Variants in RCOR1 observed in about 807,000 individuals in gnomAD.
RCOR1 encodes the protein REST corepressor 1.
In RCOR1, 12 loss-of-function variants were observed where a neutral mutation model predicts 64.0. The ratio of observed to expected loss-of-function variants is 0.19; its 90% CI spans 0.12 to 0.30. The LOEUF (loss-of-function observed/expected upper bound fraction) is 0.30. RCOR1 is among the 10% of genes least tolerant of loss of function. The probability of loss-of-function intolerance (pLI) is 1.00; values close to 1 mark genes in which losing one functional copy is unlikely to be tolerated. For missense variants in RCOR1, 502 were observed against 621.2 expected (o/e 0.81, Z 2.04); for synonymous variants, 279 against 227.2 (o/e 1.23, Z -2.05).
At chr14:102,693,609 G>A (rs79325152) in intron 3 of RCOR1, among the ~76,000 whole-genome samples, 5,534 of 152,110 alleles carry the variant, frequency 0.036, 199 homozygotes, top group African/African-American at 0.087. Context: ...CTCATACTCA[G>A]TCTCACAATG....
intron 2 of RCOR1, chr14:102,662,644 A>T: frequency 2.2e-6 from 1 of 448,312 alleles, no homozygotes; most frequent in Non-Finnish European, 4.3e-6. Flanking sequence ...CTTGGCCTTC[A>T]CAGCCTTTGC....
chr14:102,695,616 G>A, intron 3 of RCOR1: 1 of 152,674 alleles, frequency 6.5e-6, no homozygotes, highest in Non-Finnish European at 1.5e-5. Context: ...TGCGATCTCG[G>A]CTCACTGCAA....
chr14:102,618,822 T>C (rs1329752627), intron 2 of RCOR1, among the ~76,000 whole-genome samples: 1 of 150,836 alleles, frequency 6.6e-6, no homozygotes, highest in Non-Finnish European at 1.5e-5. Flanking sequence ...TGGGATGGGG[T>C]GAGATGGTTG....
chr14:102,700,683 A>T (rs992459184), intron 3 of RCOR1, among the ~76,000 whole-genome samples: 1 of 152,236 alleles, frequency 6.6e-6, no homozygotes, highest in Non-Finnish European at 1.5e-5. Context: ...AAGAAGACTC[A>T]TAATCTCATC....
Position 102,609,699 on chromosome 14 carries a change from G to T in RCOR1, c.361+16374G>T, listed in dbSNP as rs140737344. On this transcript the variant is annotated intron_variant, in intron 2 of 11. Transcript: ENST00000262241. ...TGACCTCAGGTGATCTGCCTGTCTC[G>T]GCCTCCCAAAGTGCTGGGATTACAG... Among the ~76,000 whole-genome samples, 1,057 of 151,466 alleles carry T rather than the reference G, an allele frequency of 7.0e-3. 14 individuals are homozygous for T. Among genetic ancestry groups the T allele is most frequent in the African/African-American group, 0.024 (1,006 of 41,294 alleles).
intron 5 of RCOR1, 21 bp from the exon 6 acceptor site, chr14:102,708,444 C>T (rs1424388737): frequency 7.9e-7 from 1 of 1,270,896 alleles, no homozygotes; most frequent in African/African-American, 1.5e-5. Context: ...TTAAATAAAC[C>T]AACTCATTTT....
At chr14:102,674,207 G>GTT in intron 2 of RCOR1, among the ~76,000 whole-genome samples, 1 of 152,230 alleles carries the variant, frequency 6.6e-6, no homozygotes, top group Non-Finnish European at 1.5e-5. Context: ...TAGGTGAACT[G>GTT]GATAAGGCCC....
At chr14:102,596,704 A>G (rs1377422771) in intron 2 of RCOR1, among the ~76,000 whole-genome samples, 1 of 151,068 alleles carries the variant, frequency 6.6e-6, no homozygotes, top group Admixed American at 6.6e-5. Flanking sequence ...AGCTGGGATT[A>G]CAGGTGCCCA....
intron 2 of RCOR1, among the ~76,000 whole-genome samples, chr14:102,614,485 A>G (rs1003856712): frequency 1.3e-5 from 2 of 151,732 alleles, no homozygotes; most frequent in Non-Finnish European, 2.9e-5. Context: ...CGGCCTCCCA[A>G]AGTGCTGGGA....
intron 8 of RCOR1, among the ~76,000 whole-genome samples, chr14:102,719,408 C>T (rs891079476): frequency 3.3e-5 from 5 of 152,274 alleles, no homozygotes; most frequent in African/African-American, 9.6e-5. Flanking sequence ...CTCCCCCAAC[C>T]CCACGACAGG....
intron 2 of RCOR1, among the ~76,000 whole-genome samples, chr14:102,617,768 T>C (rs1449939737): frequency 2.6e-5 from 4 of 151,712 alleles, no homozygotes; most frequent in African/African-American, 9.7e-5. Context: ...TTTTGTATTT[T>C]TAGTAGAGAC....
intron 2 of RCOR1, among the ~76,000 whole-genome samples, chr14:102,681,562 A>G (rs1340359995): frequency 6.6e-6 from 1 of 152,270 alleles, no homozygotes; most frequent in African/African-American, 2.4e-5. Flanking sequence ...CAGGCAGAGA[A>G]GGGTAAGGGT....
chr14:102,684,082 G>T (rs148821662), intron 3 of RCOR1, among the ~76,000 whole-genome samples: 1 of 152,194 alleles, frequency 6.6e-6, no homozygotes, highest in Non-Finnish European at 1.5e-5. Context: ...CCGGCTGAGC[G>T]CTAGGAACAG....
intron 2 of RCOR1, among the ~76,000 whole-genome samples, chr14:102,608,677 C>T (rs1006371199): frequency 6.6e-6 from 1 of 152,028 alleles, no homozygotes; most frequent in Admixed American, 6.6e-5. Context: ...TCAGGTGATA[C>T]ACCTGTCTCG....
Position 102,614,123 on chromosome 14 carries a change from A to G in RCOR1, c.361+20798A>G, listed in dbSNP as rs1265903787. Among the ~76,000 whole-genome samples the G allele has an allele frequency of 2.0e-5, 3 of 150,156 alleles. No individual in the cohort carries two copies. In the East Asian group the frequency reaches 6.0e-4, roughly 30 times the overall value. ...TTGGTCAGGCTGGTCTTGAGTTCCCAACCTCAGGTGATCTACCCTCCTTGG... is the reference window on the plus strand; with the variant it reads ...TTGGTCAGGCTGGTCTTGAGTTCCCGACCTCAGGTGATCTACCCTCCTTGG... On this transcript the variant is annotated intron_variant, in intron 2 of 11. Coordinates refer to ENST00000262241, the MANE Select transcript of RCOR1 (RefSeq NM_015156.4).
rs749911428 is a variant in RCOR1, at chr14:102,721,391, C to T, written c.1189+14C>T. The T allele has an allele frequency of 2.8e-5, 45 of 1,608,492 alleles. No individual in the cohort carries two copies. Among genetic ancestry groups the T allele is most frequent in the Non-Finnish European group, 3.1e-5 (37 of 1,175,172 alleles). On this transcript the variant is annotated intron_variant, in intron 10 of 11. Transcript: ENST00000262241. ...TCGCCGTACAAGGTAGGGGGAAGTT[C>T]TTCTAAAGAGTTTAGGAGGCCGGCT...
rs899670842 is a variant in RCOR1, at chr14:102,650,962, C to A, written c.362-30933C>A. On this transcript the variant is annotated intron_variant, in intron 2 of 11. Transcript: ENST00000262241. Reference sequence around the variant, plus strand: ...TATTACTAATAATTCCTGTATTAGACAATGAGACTTAGACTCATAATAGAA... The same window carrying A: ...TATTACTAATAATTCCTGTATTAGAAAATGAGACTTAGACTCATAATAGAA... 7 of 805,364 alleles carry A rather than the reference C, an allele frequency of 8.7e-6. No homozygotes were observed. In the African/African-American group the frequency reaches 1.1e-4, roughly 13 times the overall value. The allele number at this position is 805,364 out of a possible 1,614,324, so 49.9% of individuals were successfully genotyped here.
chr14:102,659,674 T>A (rs1053712371), intron 2 of RCOR1, among the ~76,000 whole-genome samples: 1 of 152,164 alleles, frequency 6.6e-6, no homozygotes, highest in Non-Finnish European at 1.5e-5. Flanking sequence ...GTTGCTTGAA[T>A]TTGGGGTGAC....
intron 3 of RCOR1, among the ~76,000 whole-genome samples, chr14:102,684,556 G>A (rs745458606): frequency 6.6e-6 from 1 of 152,102 alleles, no homozygotes; most frequent in Non-Finnish European, 1.5e-5. Flanking sequence ...TCAGGAAAGA[G>A]CAATGATTTC....
Sources: gnomAD v4.1 joint callset for allele counts (sites outside exome capture counted in the v4.1 genomes callset) on GRCh38, gnomAD v4.1.1 for gene constraint, MANE v1.5 for transcripts, NCBI Gene and HGNC (gene_info 2026-07-23, HGNC 2026-07-21) for gene names.